CSMD1: variants seen among roughly 807,000 people sequenced by gnomAD.
The protein encoded by CSMD1 is CUB and sushi domain-containing protein 1.
Under a neutral mutation model 417.5 loss-of-function variants are expected in CSMD1, and 213 were observed. That is an observed-to-expected ratio of 0.51 (90% CI 0.46 to 0.57). The LOEUF (loss-of-function observed/expected upper bound fraction) is 0.57. Ranked by LOEUF, CSMD1 falls within the 20% of genes least tolerant of loss-of-function variation. The probability of loss-of-function intolerance (pLI) is 0.00; values close to 1 mark genes in which losing one functional copy is unlikely to be tolerated. For synonymous variants in CSMD1, 2,862 were observed against 1,736.8 expected (o/e 1.65, Z -16.11); for missense variants, 6,923 against 4,529.7 (o/e 1.53, Z -15.17).
intron 23 of CSMD1, among the ~76,000 whole-genome samples, chr8:3,342,078 T>C (rs1160606466): frequency 2.6e-5 from 4 of 152,350 alleles, no homozygotes; most frequent in Non-Finnish European, 4.4e-5. Context: ...TATCAGTTTA[T>C]TGTGCACAAA....
chr8:4,447,332 G>C (rs1214203037), intron 2 of CSMD1, among the ~76,000 whole-genome samples: 1 of 152,072 alleles, frequency 6.6e-6, no homozygotes, highest in South Asian at 2.1e-4. Context: ...ATCAGAATGT[G>C]GTCATTCAAA....
chr8:3,636,320 G>A (rs772391165), intron 7 of CSMD1, among the ~76,000 whole-genome samples: 1 of 152,204 alleles, frequency 6.6e-6, no homozygotes, highest in African/African-American at 2.4e-5. Flanking sequence ...CGGGATTACA[G>A]GCATGCGCCA....
chr8:4,855,261 T>A (rs898669137), intron 1 of CSMD1, among the ~76,000 whole-genome samples: 7 of 151,562 alleles, frequency 4.6e-5, no homozygotes, highest in Admixed American at 3.3e-4. Flanking sequence ...AAAACCCATC[T>A]GTACATAACC....
At chr8:4,832,910 T>G (rs922261892) in intron 1 of CSMD1, among the ~76,000 whole-genome samples, 3 of 152,110 alleles carry the variant, frequency 2.0e-5, no homozygotes, top group Admixed American at 2.0e-4. Context: ...GCTCAAGCAC[T>G]CTAAGTTTAG....
chr8:3,613,361 C>T (rs1333953472), intron 8 of CSMD1: 2 of 374,320 alleles, frequency 5.3e-6, no homozygotes, highest in Non-Finnish European at 1.0e-5. Flanking sequence ...CAATTATACA[C>T]AAACTCTTCT....
At chr8:4,622,562 G>A (rs893792355) in intron 2 of CSMD1, among the ~76,000 whole-genome samples, 1 of 152,106 alleles carries the variant, frequency 6.6e-6, no homozygotes, top group African/African-American at 2.4e-5. Flanking sequence ...TTAACATAGT[G>A]GCAGCTGGCA....
At chr8:3,538,321 C>G (rs1201302816) in intron 10 of CSMD1, among the ~76,000 whole-genome samples, 5 of 152,140 alleles carry the variant, frequency 3.3e-5, no homozygotes, top group Non-Finnish European at 7.3e-5. Flanking sequence ...CGTGCGATGC[C>G]TCATCTGAGA....
chr8:3,533,192 G>T (rs1194858050), intron 10 of CSMD1, among the ~76,000 whole-genome samples: 1 of 152,098 alleles, frequency 6.6e-6, no homozygotes, highest in Non-Finnish European at 1.5e-5. Flanking sequence ...CACAAAGAAA[G>T]AGCACCCTAA....
intron 2 of CSMD1, among the ~76,000 whole-genome samples, chr8:4,566,948 A>C (rs1480526235): frequency 6.6e-6 from 1 of 152,238 alleles, no homozygotes; most frequent in African/African-American, 2.4e-5. Flanking sequence ...TAACTCTAGC[A>C]ATCGAGACTT....
At chr8:3,108,528 A>G in intron 44 of CSMD1, 75 bp downstream of exon 44, 1 of 1,456,570 alleles carries the variant, frequency 6.9e-7, no homozygotes, top group East Asian at 2.3e-5. Context: ...AGCTGGAAAC[A>G]AGGCGTGGGA....
intron 7 of CSMD1, among the ~76,000 whole-genome samples, chr8:3,706,361 A>G (rs12542438): frequency 0.38 from 58,049 of 152,174 alleles, 11,381 homozygotes; most frequent in East Asian, 0.55. Flanking sequence ...TCCTTTCATC[A>G]GTGAAACAAT....
intron 3 of CSMD1, among the ~76,000 whole-genome samples, chr8:4,403,122 C>A (rs117446511): frequency 6.6e-6 from 1 of 151,966 alleles, no homozygotes; most frequent in Admixed American, 6.6e-5. Flanking sequence ...TGAGCCACTG[C>A]CCCCGGCCAA....
chr8:3,218,000 G>A (rs928325679), intron 29 of CSMD1, among the ~76,000 whole-genome samples: 2 of 152,022 alleles, frequency 1.3e-5, no homozygotes, highest in South Asian at 2.1e-4. Context: ...ATTTTATTTT[G>A]TTCACATGAG....
intron 25 of CSMD1, among the ~76,000 whole-genome samples, chr8:3,300,425 C>T (rs1207993722): frequency 6.6e-6 from 1 of 151,882 alleles, no homozygotes; most frequent in Non-Finnish European, 1.5e-5. Flanking sequence ...TAAACCATGC[C>T]AAAGAGCTTA....
chr8:4,179,024 T>C (rs563974320), intron 3 of CSMD1, among the ~76,000 whole-genome samples: 1 of 152,234 alleles, frequency 6.6e-6, no homozygotes, highest in South Asian at 2.1e-4. Flanking sequence ...ATACATTCAA[T>C]GCCATCCCCA....
chr8:3,129,327 C>A (rs1468648759), intron 41 of CSMD1, among the ~76,000 whole-genome samples: 1 of 152,196 alleles, frequency 6.6e-6, no homozygotes, highest in Non-Finnish European at 1.5e-5. Context: ...CTGACCTGTG[C>A]TCTAGATGAT....
chr8:3,505,970 G>C lies in CSMD1; in HGVS notation c.1345-12244C>G, dbSNP rs1431013201. On this transcript the variant is annotated intron_variant, in intron 10 of 69. Transcript: ENST00000635120. ...AAGTTATGTAAACCAGAAAGGAAGA[G>C]GGTTGAGTGGATAAAAATACACGTA... 1.3e-5 allele frequency among the ~76,000 whole-genome samples: 2 copies of C among 152,160 alleles called. 1 individual carries two copies. The highest frequency in any genetic ancestry group is 4.1e-4 in the South Asian group (2 of 4,828).
At chr8:4,572,810 T>C (rs996184654) in intron 2 of CSMD1, among the ~76,000 whole-genome samples, 1 of 152,180 alleles carries the variant, frequency 6.6e-6, no homozygotes, top group African/African-American at 2.4e-5. Context: ...GAAGCTCTAT[T>C]CTTTCCTTTC....
At chr8:4,717,957 T>C (rs1808793391) in intron 1 of CSMD1, among the ~76,000 whole-genome samples, 1 of 152,162 alleles carries the variant, frequency 6.6e-6, no homozygotes, top group Non-Finnish European at 1.5e-5. Context: ...GTAAAGTTTA[T>C]AAAATCTATC....
Sources: gnomAD v4.1 joint callset for allele counts (sites outside exome capture counted in the v4.1 genomes callset) on GRCh38, gnomAD v4.1.1 for gene constraint, MANE v1.5 for transcripts, NCBI Gene and HGNC (gene_info 2026-07-23, HGNC 2026-07-21) for gene names.